Variants in CTNNA3 observed in about 807,000 individuals in gnomAD.
CTNNA3 encodes catenin alpha-3.
A neutral mutation model predicts 95.7 loss-of-function variants in CTNNA3; 76 were observed. The ratio of observed to expected loss-of-function variants is 0.79; its 90% CI spans 0.66 to 0.96. The LOEUF is 0.96. Among genes scored for constraint, CTNNA3 ranks in the 40% least tolerant of loss-of-function variants. The pLI, the probability that CTNNA3 is intolerant of heterozygous loss-of-function variation, is 0.00. For missense variants in CTNNA3, 1,191 were observed against 1,089.8 expected (o/e 1.09, Z -1.31); for synonymous variants, 431 against 374.4 (o/e 1.15, Z -1.74).
At chr10:66,951,018 G>A (rs756038931) in intron 7 of CTNNA3, among the ~76,000 whole-genome samples, 6 of 151,666 alleles carry the variant, frequency 4.0e-5, no homozygotes, top group Non-Finnish European at 8.8e-5. Flanking sequence ...TTAAATACAA[G>A]ACAAGTCATT....
At chr10:67,522,471 G>C (rs375068284) in intron 4 of CTNNA3, among the ~76,000 whole-genome samples, 9 of 152,030 alleles carry the variant, frequency 5.9e-5, no homozygotes, top group African/African-American at 2.2e-4. Flanking sequence ...ACAAACTTCA[G>C]CAAGAAAGAT....
chr10:67,692,281 G>A (rs1463013087), intron 1 of CTNNA3, among the ~76,000 whole-genome samples: 2 of 149,706 alleles, frequency 1.3e-5, no homozygotes, highest in Non-Finnish European at 3.0e-5. Flanking sequence ...GACAATGGCG[G>A]TTTTGTGGAA....
chr10:66,849,351 G>A (rs1335989711), intron 7 of CTNNA3, among the ~76,000 whole-genome samples: 3 of 152,132 alleles, frequency 2.0e-5, no homozygotes, highest in Non-Finnish European at 4.4e-5. Context: ...AATCGTTAAT[G>A]TGCTTTTAAA....
chr10:66,625,354 T>C (rs1464390483), intron 9 of CTNNA3, among the ~76,000 whole-genome samples: 1 of 152,094 alleles, frequency 6.6e-6, no homozygotes, highest in African/African-American at 2.4e-5. Flanking sequence ...TTAATGTTTG[T>C]TCCCTTCCTT....
intron 12 of CTNNA3, among the ~76,000 whole-genome samples, chr10:66,359,240 A>AT (rs2092635276): frequency 6.6e-6 from 1 of 151,380 alleles, no homozygotes; most frequent in South Asian, 2.1e-4. Context: ...ATGTTGATAG[A>AT]TAGGAGGTCG....
intron 6 of CTNNA3, among the ~76,000 whole-genome samples, chr10:67,217,296 T>C (rs929863759): frequency 3.3e-5 from 5 of 151,262 alleles, no homozygotes; most frequent in Non-Finnish European, 5.9e-5. Context: ...TTAAAAAAGG[T>C]TAAATGCTCA....
intron 7 of CTNNA3, among the ~76,000 whole-genome samples, chr10:66,971,635 C>T (rs1284516534): frequency 1.3e-5 from 2 of 152,040 alleles, no homozygotes; most frequent in African/African-American, 4.8e-5. Flanking sequence ...TTAGAGTAAA[C>T]ACTCAATAAA....
intron 11 of CTNNA3, among the ~76,000 whole-genome samples, chr10:66,446,721 C>T (rs1309467601): frequency 1.3e-5 from 2 of 152,086 alleles, no homozygotes; most frequent in South Asian, 2.1e-4. Context: ...CAATATCATA[C>T]TGAATGGGCA....
intron 9 of CTNNA3, among the ~76,000 whole-genome samples, chr10:66,755,934 A>G (rs961403842): frequency 3.3e-5 from 5 of 152,266 alleles, no homozygotes; most frequent in African/African-American, 1.2e-4. Context: ...ATTGCCATTT[A>G]CTTTTATTTA....
intron 1 of CTNNA3, among the ~76,000 whole-genome samples, chr10:67,654,120 G>A (rs989748553): frequency 2.0e-5 from 3 of 152,188 alleles, no homozygotes; most frequent in African/African-American, 7.2e-5. Flanking sequence ...AAGAGAACAG[G>A]CCATGTGTCA....
chr10:67,668,566 A>T (rs1220251363), intron 1 of CTNNA3, among the ~76,000 whole-genome samples: 1 of 152,198 alleles, frequency 6.6e-6, no homozygotes, highest in African/African-American at 2.4e-5. Context: ...ACGACAGTCC[A>T]TTTGAAAATC....
chr10:66,924,040 A>T (rs1336046014), intron 7 of CTNNA3, among the ~76,000 whole-genome samples: 1 of 152,216 alleles, frequency 6.6e-6, no homozygotes, highest in African/African-American at 2.4e-5. Context: ...ATTATTTTTA[A>T]TCATTCCTTC....
intron 7 of CTNNA3, among the ~76,000 whole-genome samples, chr10:66,917,765 A>G (rs2132587070): frequency 6.6e-6 from 1 of 152,338 alleles, no homozygotes; most frequent in African/African-American, 2.4e-5. Context: ...TAAAAATACA[A>G]TATGAAATTT....
intron 7 of CTNNA3, among the ~76,000 whole-genome samples, chr10:66,905,526 A>G (rs1332966688): frequency 6.6e-6 from 1 of 152,182 alleles, no homozygotes; most frequent in Admixed American, 6.5e-5. Flanking sequence ...TAATTTTTAA[A>G]AAATTGAAAT....
At chr10:67,006,395 C>T (rs973688565) in intron 7 of CTNNA3, among the ~76,000 whole-genome samples, 1 of 152,164 alleles carries the variant, frequency 6.6e-6, no homozygotes, top group Non-Finnish European at 1.5e-5. Flanking sequence ...TCCACCCCTT[C>T]TCTTTCTCCC....
chr10:67,162,945 GATA>G (rs1861612328), intron 7 of CTNNA3, among the ~76,000 whole-genome samples: 2 of 151,836 alleles, frequency 1.3e-5, no homozygotes, highest in Admixed American at 1.3e-4. Context: ...ATATGCAACA[GATA>G]ATTTAAATAG....
chr10:67,441,260 A>G (rs896416724), intron 5 of CTNNA3, among the ~76,000 whole-genome samples: 2 of 148,876 alleles, frequency 1.3e-5, no homozygotes, highest in African/African-American at 2.5e-5. Flanking sequence ...ACAGTGAGAG[A>G]AGACAAAAAA....
chr10:66,886,704 G>T lies in CTNNA3; in HGVS notation c.1048-111180C>A, dbSNP rs538860771. ...CAGAAAGGCTGGAATTCTGTCTCAT[G>T]TCTAATCCCATTCCATACCTGCATC... On this transcript the variant is annotated intron_variant, in intron 7 of 17. Transcript: ENST00000433211. 2.0e-5 allele frequency among the ~76,000 whole-genome samples: 3 copies of T among 152,208 alleles called. No homozygotes were observed. In the South Asian group the frequency reaches 6.2e-4, roughly 32 times the overall value.
In CTNNA3 at chr10:66,069,378, T is replaced by C; in HGVS notation, c.2089A>G (p.Thr697Ala). 1 of 1,613,692 alleles carries C rather than the reference T, an allele frequency of 6.2e-7. No homozygotes were observed. Among genetic ancestry groups the C allele is most frequent in the Non-Finnish European group, 8.5e-7 (1 of 1,179,720 alleles). Residue 697 changes from threonine to alanine, a missense_variant, in exon 15 of 18, where the codon ACA becomes GCA. Thr to Ala is a moderately conservative substitution (Grantham distance 58). Coordinates refer to ENST00000433211, the MANE Select transcript of CTNNA3 (RefSeq NM_013266.4). ...LDAEIEIWDD[T>A]SNDIIVLAKN... Reference sequence around the variant, plus strand: ...GCCAGAACAATGATGTCGTTGCTTGTATCATCCCATATCTCAATCTCAGCA... The same window carrying C: ...GCCAGAACAATGATGTCGTTGCTTGCATCATCCCATATCTCAATCTCAGCA...
Sources: gnomAD v4.1 joint callset for allele counts (sites outside exome capture counted in the v4.1 genomes callset) on GRCh38, gnomAD v4.1.1 for gene constraint, MANE v1.5 for transcripts, NCBI Gene and HGNC (gene_info 2026-07-23, HGNC 2026-07-21) for gene names.